Variants in MARCHF1 observed in about 807,000 individuals in gnomAD.
MARCHF1 encodes the protein membrane associated ring-CH-type finger 1.
A neutral mutation model predicts 54.2 loss-of-function variants in MARCHF1; 40 were observed. That is an observed-to-expected ratio of 0.74 (90% confidence interval 0.57 to 0.96). MARCHF1 has a LOEUF of 0.96. MARCHF1 is among the 40% of genes least tolerant of loss of function. MARCHF1 has a pLI of 0.00. For synonymous variants in MARCHF1, 236 were observed against 236.3 expected (o/e 1.00, Z 0.01); for missense variants, 586 against 656.5 (o/e 0.89, Z 1.17).
At chr4:164,321,098 T>C (rs1735132181) in intron 1 of MARCHF1, among the ~76,000 whole-genome samples, 1 of 152,084 alleles carries the variant, frequency 6.6e-6, no homozygotes, top group Non-Finnish European at 1.5e-5. Flanking sequence ...ATTTTTAAAG[T>C]AATATAAGAG....
At position 163,960,870 on chromosome 4, in the gene MARCHF1, T is replaced by C. The variant is rs572737323; in HGVS notation, c.-39+27631A>G. Among the ~76,000 whole-genome samples, 3 of 151,206 alleles carry C rather than the reference T, an allele frequency of 2.0e-5. 1 individual carries two copies. The South Asian group carries it at 6.3e-4, about 32-fold the overall frequency. On this transcript the variant is annotated intron_variant, in intron 3 of 9. Coordinates refer to ENST00000514618, the MANE Select transcript of MARCHF1 (RefSeq NM_001394959.1). Reference sequence around the variant, plus strand: ...AATAACACAAATTTATTTCTCACAATTCTAGGGACTAGACGTCCAAAATCA... The same window carrying C: ...AATAACACAAATTTATTTCTCACAACTCTAGGGACTAGACGTCCAAAATCA...
intron 9 of MARCHF1, among the ~76,000 whole-genome samples, chr4:163,539,818 A>G (rs1335805559): frequency 6.6e-6 from 1 of 152,232 alleles, no homozygotes; most frequent in Non-Finnish European, 1.5e-5. Context: ...ATTTGTTAGG[A>G]AATATTTCTG....
chr4:163,818,432 T>C (rs1325445463), intron 4 of MARCHF1, among the ~76,000 whole-genome samples: 1 of 152,070 alleles, frequency 6.6e-6, no homozygotes, highest in Non-Finnish European at 1.5e-5. Flanking sequence ...TTTTGTACAC[T>C]ATATTTTTTG....
chr4:163,609,735 G>C (rs1741270956), intron 7 of MARCHF1, among the ~76,000 whole-genome samples: 1 of 150,752 alleles, frequency 6.6e-6, no homozygotes, highest in South Asian at 2.1e-4. Flanking sequence ...ATATTATGTA[G>C]AACCCCACTA....
chr4:163,854,453 AGTG>A (rs1167731427), intron 3 of MARCHF1, among the ~76,000 whole-genome samples: 1 of 152,184 alleles, frequency 6.6e-6, no homozygotes, highest in Non-Finnish European at 1.5e-5. Context: ...CCAGGTTCTA[AGTG>A]TTATTTTCAG....
At chr4:164,064,927 G>C (rs555031142) in intron 2 of MARCHF1, among the ~76,000 whole-genome samples, 14 of 152,092 alleles carry the variant, frequency 9.2e-5, no homozygotes, top group Non-Finnish European at 2.1e-4. Flanking sequence ...TTTGTCTTTA[G>C]TTCTGTTTAT....
chr4:164,059,625 CATT>C (rs1754570868), intron 2 of MARCHF1, among the ~76,000 whole-genome samples: 1 of 152,090 alleles, frequency 6.6e-6, no homozygotes, highest in African/African-American at 2.4e-5. Flanking sequence ...AACATGCAAA[CATT>C]GTTGTACTAT....
intron 4 of MARCHF1, among the ~76,000 whole-genome samples, chr4:163,834,889 TA>T (rs1465667629): frequency 5.9e-5 from 9 of 151,378 alleles, no homozygotes; most frequent in Non-Finnish European, 1.2e-4. Context: ...TCTTCTTGTT[TA>T]TTTTTTTTAG....
chr4:164,111,109 T>A (rs527548486), intron 2 of MARCHF1, among the ~76,000 whole-genome samples: 16 of 151,966 alleles, frequency 1.1e-4, no homozygotes, highest in African/African-American at 3.8e-4. Context: ...GCATATCTCA[T>A]CATGATGAAT....
At chr4:164,180,280 T>C (rs1450007933) in intron 1 of MARCHF1, among the ~76,000 whole-genome samples, 1 of 152,070 alleles carries the variant, frequency 6.6e-6, no homozygotes, top group Non-Finnish European at 1.5e-5. Flanking sequence ...TTAGATAAAT[T>C]CAACATGTGC....
intron 1 of MARCHF1, chr4:164,190,266 A>AAGT: frequency 9.9e-7 from 1 of 1,012,126 alleles, no homozygotes; most frequent in Non-Finnish European, 1.5e-6. Context: ...GCCACTTATC[A>AAGT]GCAAACTCTA....
At chr4:163,728,800 G>T (rs1394515366) in intron 4 of MARCHF1, among the ~76,000 whole-genome samples, 2 of 152,026 alleles carry the variant, frequency 1.3e-5, no homozygotes, top group African/African-American at 4.8e-5. Flanking sequence ...TCCTTTTCTT[G>T]TCTTATTGCA....
intron 3 of MARCHF1, among the ~76,000 whole-genome samples, chr4:163,856,661 G>T (rs1265304811): frequency 2.0e-5 from 3 of 152,172 alleles, no homozygotes; most frequent in African/African-American, 7.2e-5. Context: ...CATCTTCTGA[G>T]TTGTCAGGTA....
chr4:163,679,885 C>A (rs182699322), intron 5 of MARCHF1, among the ~76,000 whole-genome samples: 1 of 152,186 alleles, frequency 6.6e-6, no homozygotes, highest in Non-Finnish European at 1.5e-5. Flanking sequence ...CAGGGGTGAG[C>A]CACCGCGCCC....
chr4:164,147,693 G>A (rs1346868871), intron 1 of MARCHF1, among the ~76,000 whole-genome samples: 2 of 121,096 alleles, frequency 1.7e-5, no homozygotes, highest in East Asian at 3.0e-4. Context: ...GAGGGGGGAG[G>A]GATAGCATTG....
chr4:164,226,862 A>T (rs1341593216), intron 1 of MARCHF1, among the ~76,000 whole-genome samples: 2 of 152,094 alleles, frequency 1.3e-5, no homozygotes, highest in African/African-American at 4.8e-5. Flanking sequence ...CCAAACAGCC[A>T]AGGAGATCTA....
intron 2 of MARCHF1, among the ~76,000 whole-genome samples, chr4:164,012,693 G>C (rs1366923199): frequency 6.6e-6 from 1 of 152,164 alleles, no homozygotes; most frequent in Non-Finnish European, 1.5e-5. Flanking sequence ...CCAGGGCCAA[G>C]AGAGACTCCT....
intron 8 of MARCHF1, chr4:163,584,982 A>G (rs1757465552): frequency 6.6e-6 from 1 of 152,248 alleles, no homozygotes; most frequent in Admixed American, 6.5e-5. Context: ...CCAGAAGTCC[A>G]GCTATCAAAC....
rs544931220 is a variant in MARCHF1 at position 164,381,817 on chromosome 4, C to T, written c.-323+2053G>A. Among the ~76,000 whole-genome samples, 28 of 152,128 alleles carry T rather than the reference C, an allele frequency of 1.8e-4. 1 individual carries two copies. The East Asian group carries it at 3.3e-3, about 18-fold the overall frequency. On this transcript the variant is annotated intron_variant, in intron 1 of 9. Transcript: ENST00000514618. The stretch of plus-strand genomic sequence containing the variant: ...TTCTCTAAGAACCTTAAAGTAAAAC[C>T]CCATTATCATAAAAACATAGTACAA...
Sources: allele counts gnomAD v4.1 joint callset (sites outside exome capture counted in the v4.1 genomes callset), GRCh38; gene constraint gnomAD v4.1.1; transcripts MANE v1.5; gene names NCBI Gene and HGNC (gene_info 2026-07-23, HGNC 2026-07-21).